EXOSC10: variants seen among roughly 807,000 people sequenced by gnomAD.
The protein encoded by EXOSC10 is exosome complex component 10.
A neutral mutation model predicts 126.6 loss-of-function variants in EXOSC10; 94 were observed. The ratio of observed to expected loss-of-function variants is 0.74; its 90% CI spans 0.63 to 0.88. The LOEUF (loss-of-function observed/expected upper bound fraction) is 0.88. Among genes scored for constraint, EXOSC10 ranks in the 40% least tolerant of loss-of-function variants. The pLI is 0.00. For missense variants in EXOSC10, 1,041 were observed against 1,100.5 expected (o/e 0.95, Z 0.77); for synonymous variants, 395 against 400.8 (o/e 0.99, Z 0.17).
chr1:11,088,049 G>T, intron 7 of EXOSC10, 74 bp downstream of exon 7: 1 of 1,347,670 alleles, frequency 7.4e-7, no homozygotes, highest in Non-Finnish European at 1.0e-6. Context: ...AGTCAAAATT[G>T]CATCAATGAA....
chr1:11,082,167 C>A (rs1640205757), intron 10 of EXOSC10, among the ~76,000 whole-genome samples: 1 of 152,078 alleles, frequency 6.6e-6, no homozygotes, highest in Non-Finnish European at 1.5e-5. Flanking sequence ...ATGACAGGTG[C>A]AACCTCGGAG....
Position 11,081,219 on chromosome 1 carries a change from G to T in EXOSC10, c.1300C>A (p.Leu434Ile). 1 of 1,614,194 alleles carries T rather than the reference G, an allele frequency of 6.2e-7. No homozygotes were observed. The highest frequency in any genetic ancestry group is 8.5e-7 in the Non-Finnish European group (1 of 1,180,032). The change falls in exon 11 of 25, where the codon CTC becomes ATC. Residue 434 changes from leucine (L) to isoleucine (I), a missense_variant. Leu to Ile is a conservative substitution (Grantham distance 5). This residue lies in a region of EXOSC10 where 645 missense variants were observed against 656.3 expected (regional missense o/e 0.98). Coordinates refer to ENST00000376936, the MANE Select transcript of EXOSC10 (RefSeq NM_001001998.3). ...WRIRPLPEEM[L>I]SYARDDTHYL... ...TGGGTGTCATCCCGGGCGTAGCTGA[G>T]CATCTCCTCGGGCAGAGGGCTGGAA...
intron 6 of EXOSC10, 67 bp downstream of exon 6, chr1:11,090,487 C>A: frequency 3.0e-6 from 4 of 1,313,606 alleles, no homozygotes; most frequent in Non-Finnish European, 4.3e-6. Flanking sequence ...ATATACTCCA[C>A]AAAAGTGAAA....
Position 11,070,909 on chromosome 1 carries a change from C to G in EXOSC10, c.2307G>C (p.Gln769His), listed in dbSNP as rs774331545. 2.5e-6 allele frequency: 4 copies of G among 1,614,016 alleles called. No homozygotes were observed. Among genetic ancestry groups the G allele is most frequent in the Non-Finnish European group, 3.4e-6 (4 of 1,179,926 alleles). Residue 769 changes from glutamine to histidine, a missense_variant, in exon 21 of 25, where the codon CAG becomes CAC. Transcript: ENST00000376936. ...AAAAGCTGGCACATACCACGACCTG[C>G]TGTCGGACGGAGATGGCCTGTTCTG... ...AAAEQAISVR[Q>H]QVVLENAAKK...
chr1:11,099,529 C>G (rs1641311509), intron 1 of EXOSC10, 192 bp downstream of exon 1: 2 of 538,370 alleles, frequency 3.7e-6, no homozygotes, highest in South Asian at 6.2e-5. Context: ...GCAAGCGGGA[C>G]GCCCCTCAGT....
chr1:11,099,567 G>T, intron 1 of EXOSC10, 154 bp downstream of exon 1: 1 of 700,160 alleles, frequency 1.4e-6, no homozygotes, highest in South Asian at 2.6e-5. Context: ...CATCCCCGGA[G>T]GGTGCAGGAG....
Position 11,066,881 on chromosome 1 carries a change from C to A in EXOSC10, c.2628-133G>T. On this transcript the variant is annotated intron_variant, in intron 24 of 24. Coordinates refer to ENST00000376936, the MANE Select transcript of EXOSC10 (RefSeq NM_001001998.3). ...GTTTGCTCAGGGGCCCCAGAGAACT[C>A]GGCGGCCCACCAGAGTTGGCTGAGC... The A allele has an allele frequency of 1.8e-5, 18 of 1,024,454 alleles. No individual in the cohort carries two copies. The South Asian group carries it at 2.4e-4, about 14-fold the overall frequency. 63.5% of individuals were successfully genotyped at this position (1,024,454 alleles called of 1,614,324 possible).
intron 7 of EXOSC10, 98 bp from the exon 8 acceptor site, chr1:11,088,008 G>A (rs907971353): frequency 3.2e-6 from 4 of 1,239,716 alleles, no homozygotes; most frequent in Admixed American, 2.0e-5. Flanking sequence ...ACCCAAAACT[G>A]TAACTTTCTC....
At chr1:11,098,310 A>T (rs1389228127) in intron 1 of EXOSC10, among the ~76,000 whole-genome samples, 154 bp from the exon 2 acceptor site, 1 of 152,226 alleles carries the variant, frequency 6.6e-6, no homozygotes, top group East Asian at 1.9e-4. Flanking sequence ...CTAGGCCCTG[A>T]GAATACAATA....
chr1:11,069,011 C>T, intron 22 of EXOSC10: 1 of 408,208 alleles, frequency 2.4e-6, no homozygotes, highest in East Asian at 4.6e-5. Context: ...CTGGGTGATG[C>T]CATAAGGAAC....
intron 14 of EXOSC10, among the ~76,000 whole-genome samples, chr1:11,078,628 A>T (rs1270030301): frequency 6.6e-6 from 1 of 152,204 alleles, no homozygotes; most frequent in Non-Finnish European, 1.5e-5. Flanking sequence ...AGCATTTGCT[A>T]CGAAGTCTCA....
At chr1:11,083,462 C>T (rs1337711198) in intron 9 of EXOSC10, among the ~76,000 whole-genome samples, 4 of 149,616 alleles carry the variant, frequency 2.7e-5, no homozygotes, top group Non-Finnish European at 3.0e-5. Flanking sequence ...CTTGGGAGGC[C>T]GAGGCAGGAG....
chr1:11,068,739 C>T, intron 22 of EXOSC10, 33 bp from the exon 23 acceptor site: 1 of 1,564,826 alleles, frequency 6.4e-7, no homozygotes, highest in Non-Finnish European at 8.8e-7. Flanking sequence ...GACCTGCGGT[C>T]AGGTCAATGA....
chr1:11,078,259 T>C (rs1450911550), intron 14 of EXOSC10, among the ~76,000 whole-genome samples: 11 of 150,336 alleles, frequency 7.3e-5, no homozygotes, highest in Admixed American at 7.3e-4. Context: ...AGCAAGACCC[T>C]GTTTCTTTTT....
At chr1:11,092,318 G>A (rs1284654958) in intron 3 of EXOSC10, among the ~76,000 whole-genome samples, 1 of 151,980 alleles carries the variant, frequency 6.6e-6, no homozygotes, top group African/African-American at 2.4e-5. Context: ...GGGTTCAAGC[G>A]ATTCTCCTGC....
intron 14 of EXOSC10, among the ~76,000 whole-genome samples, chr1:11,079,334 AC>A (rs1441530109): frequency 9.3e-5 from 14 of 150,956 alleles, no homozygotes; most frequent in Non-Finnish European, 2.1e-4. Flanking sequence ...TCTAAAAAAA[AC>A]AAAAAACAAA....
chr1:11,080,596 ACACACACACG>A (rs770944246), intron 12 of EXOSC10, 47 bp from the exon 13 acceptor site: 28,353 of 1,533,038 alleles, frequency 0.018, 129 homozygotes, highest in Admixed American at 0.048. Flanking sequence ...ACACACACAC[ACACACACACG>A]GTGGGGACAC....
chr1:11,069,352 A>AT (rs1639318195), intron 22 of EXOSC10, among the ~76,000 whole-genome samples: 1 of 152,078 alleles, frequency 6.6e-6, no homozygotes, highest in African/African-American at 2.4e-5. Flanking sequence ...GGAGGCCACC[A>AT]TGAGTTGAGC....
At chr1:11,095,680 C>G (rs547829215) in intron 3 of EXOSC10, 78 bp downstream of exon 3, 2 of 1,401,080 alleles carry the variant, frequency 1.4e-6, no homozygotes. Context: ...CATCACTGCA[C>G]TCCAGCCTGG....
Sources: allele counts gnomAD v4.1 joint callset (sites outside exome capture counted in the v4.1 genomes callset), GRCh38; gene constraint gnomAD v4.1.1; regional missense constraint gnomAD v4.1.1; transcripts MANE v1.5; gene names NCBI Gene and HGNC (gene_info 2026-07-23, HGNC 2026-07-21).